The following PHEX variants were observed in gnomAD, a reference collection of about 807,000 sequenced individuals.
PHEX encodes the protein phosphate-regulating neutral endopeptidase PHEX.
PHEX carries 16 observed loss-of-function variants against 68.0 expected under a neutral mutation model. The ratio of observed to expected loss-of-function variants is 0.24; its 90% confidence interval spans 0.16 to 0.36. PHEX has a LOEUF of 0.36. Ranked by LOEUF, PHEX falls within the 10% of genes least tolerant of loss-of-function variation. The pLI is 1.00. For missense variants in PHEX, 480 were observed against 575.5 expected, an observed-to-expected ratio of 0.83 and a Z score of 1.70; for synonymous variants, 208 against 205.1, an observed-to-expected ratio of 1.01 and a Z score of -0.12.
chrX:22,111,414 G>A, intron 9 of PHEX, 53 bp from the exon 10 acceptor site: 2 of 929,215 alleles, frequency 2.2e-6, no homozygotes, highest in Non-Finnish European at 3.1e-6. Flanking sequence ...GTTCTGCAGA[G>A]CATCAGATAT....
intron 3 of PHEX, among the ~76,000 whole-genome samples, chrX:22,065,428 C>T (rs1928548930): frequency 9.0e-6 from 1 of 111,289 alleles, no homozygotes; most frequent in Non-Finnish European, 1.9e-5. Context: ...AAGGCTCAAG[C>T]ATTTTTTTTT....
At chrX:22,051,831 A>G (rs1267676892) in intron 3 of PHEX, among the ~76,000 whole-genome samples, 1 of 111,959 alleles carries the variant, frequency 8.9e-6, no homozygotes, top group Admixed American at 9.6e-5. Flanking sequence ...ATAAATATCG[A>G]TATAAATACA....
At chrX:22,162,476 CTA>C (rs1359006902) in intron 12 of PHEX, among the ~76,000 whole-genome samples, 3 of 111,549 alleles carry the variant, frequency 2.7e-5, no homozygotes, top group African/African-American at 9.8e-5. Flanking sequence ...CCTCCAAACA[CTA>C]CACATCACAG....
At chrX:22,180,700 T>C (rs1028089228) in intron 14 of PHEX, among the ~76,000 whole-genome samples, 3 of 112,005 alleles carry the variant, frequency 2.7e-5, no homozygotes, top group Admixed American at 1.9e-4. Flanking sequence ...CACCCTGTTA[T>C]GCTATCAAAT....
intron 3 of PHEX, among the ~76,000 whole-genome samples, chrX:22,068,996 G>A (rs186865246): frequency 2.6e-4 from 29 of 111,575 alleles, no homozygotes; most frequent in Admixed American, 4.8e-4. Flanking sequence ...TTAGCTGGGC[G>A]TGGTAGCACG....
At chrX:22,077,324 C>A in intron 4 of PHEX, 152 bp from the exon 5 acceptor site, 1 of 527,322 alleles carries the variant, frequency 1.9e-6, no homozygotes, top group Non-Finnish European at 3.4e-6. Context: ...TGATTATGCT[C>A]ATCCCACCCC....
At chrX:22,216,266 A>ATGAT (rs1602398972) in intron 16 of PHEX, among the ~76,000 whole-genome samples, 2 of 111,828 alleles carry the variant, frequency 1.8e-5, no homozygotes, top group Admixed American at 1.9e-4. Context: ...GTGTGAGATC[A>ATGAT]TGATTAAGCT....
chrX:22,154,914 C>A (rs768811159), intron 12 of PHEX, among the ~76,000 whole-genome samples: 10 of 111,952 alleles, frequency 8.9e-5, no homozygotes, highest in African/African-American at 2.9e-4. Context: ...TTCCCACTTG[C>A]ATTGATTGAT....
intron 3 of PHEX, among the ~76,000 whole-genome samples, chrX:22,072,118 C>T (rs1275243934): frequency 8.9e-6 from 1 of 112,947 alleles, no homozygotes; most frequent in Non-Finnish European, 1.9e-5. Context: ...GTCTCAGCTA[C>T]TTGTGAGGAT....
chrX:22,188,634 G>A (rs986064935), intron 14 of PHEX, among the ~76,000 whole-genome samples: 26 of 111,931 alleles, frequency 2.3e-4, no homozygotes, highest in African/African-American at 7.8e-4. Flanking sequence ...TTGTTGGTAC[G>A]TAGTAGTTGT....
At chrX:22,174,094 T>C (rs1220385944) in intron 13 of PHEX, among the ~76,000 whole-genome samples, 3 of 111,785 alleles carry the variant, frequency 2.7e-5, no homozygotes, top group Non-Finnish European at 3.8e-5. Flanking sequence ...AGAAGAGAAA[T>C]GTAGGCTCTC....
intron 1 of PHEX, among the ~76,000 whole-genome samples, chrX:22,033,550 C>T (rs1160098436): frequency 2.7e-5 from 3 of 112,299 alleles, no homozygotes; most frequent in Admixed American, 9.5e-5. Flanking sequence ...TTTGCTTGAA[C>T]GAATCATGAA....
chrX:22,209,481 A>G (rs1934819491), intron 15 of PHEX, among the ~76,000 whole-genome samples: 1 of 106,874 alleles, frequency 9.4e-6, no homozygotes, highest in Non-Finnish European at 1.9e-5. Context: ...AGCTTTTTCC[A>G]TATCGCCACA....
At chrX:22,057,377 G>T (rs1232547401) in intron 3 of PHEX, among the ~76,000 whole-genome samples, 1 of 111,323 alleles carries the variant, frequency 9.0e-6, no homozygotes, top group Non-Finnish European at 1.9e-5. Context: ...GTCAAGGTGG[G>T]CAGATCACTT....
At chrX:22,130,150 C>G (rs1024889502) in intron 11 of PHEX, among the ~76,000 whole-genome samples, 1 of 111,844 alleles carries the variant, frequency 8.9e-6, no homozygotes. Context: ...CACTTCTTTC[C>G]CTCCCCATTG....
chrX:22,061,258 A>G (rs1217078477), intron 3 of PHEX, among the ~76,000 whole-genome samples: 1 of 111,996 alleles, frequency 8.9e-6, no homozygotes, highest in Non-Finnish European at 1.9e-5. Context: ...CAAAAATTGA[A>G]AAGTTGGTTG....
intron 12 of PHEX, among the ~76,000 whole-genome samples, chrX:22,140,724 C>T (rs1018192701): frequency 2.7e-5 from 3 of 111,109 alleles, no homozygotes; most frequent in Admixed American, 9.6e-5. Context: ...TCAAGTGATC[C>T]GCCTGCCTCA....
intron 12 of PHEX, among the ~76,000 whole-genome samples, chrX:22,159,224 C>T (rs1569414378): frequency 8.8e-6 from 1 of 113,572 alleles, no homozygotes; most frequent in East Asian, 2.8e-4. Context: ...GGCAACTCAG[C>T]GAATAACCTA....
chrX:22,219,145 A>T lies in PHEX; in HGVS notation c.1768+42A>T, dbSNP rs373796454. ...TTTATAAGCTGCTGCTTTTATAATAATGTTGACTATATGGATGTTAATTGT... is the reference window on the plus strand; with the variant it reads ...TTTATAAGCTGCTGCTTTTATAATATTGTTGACTATATGGATGTTAATTGT... On this transcript the variant is annotated intron_variant, in intron 17 of 21. Transcript: ENST00000379374. 16 of 823,298 alleles carry T rather than the reference A, an allele frequency of 1.9e-5. No homozygotes were observed. In the African/African-American group the frequency reaches 2.6e-4, roughly 13 times the overall value. The allele number at this position is 823,298 out of a possible 1,213,427, so 67.8% of individuals were successfully genotyped here.
Sources: allele counts gnomAD v4.1 joint callset (sites outside exome capture counted in the v4.1 genomes callset), GRCh38; gene constraint gnomAD v4.1.1; transcripts MANE v1.5; gene names NCBI Gene and HGNC (gene_info 2026-07-23, HGNC 2026-07-21).